Variants in LRP1B observed in about 807,000 individuals in gnomAD.
LRP1B encodes LDL receptor related protein 1B.
A neutral mutation model predicts 556.6 loss-of-function variants in LRP1B; 217 were observed. The observed-to-expected ratio is 0.39, with a 90% CI of 0.35 to 0.44. LRP1B has a LOEUF of 0.44. LRP1B is among the 20% of genes least tolerant of loss of function. The probability of loss-of-function intolerance (pLI) is 1.00; values close to 1 mark genes in which losing one functional copy is unlikely to be tolerated. For synonymous variants in LRP1B, 2,047 were observed against 1,865.8 expected (o/e 1.10, Z -2.50); for missense variants, 5,053 against 5,620.8 (o/e 0.90, Z 3.23).
chr2:140,233,461 T>G (rs1432378668), intron 90 of LRP1B, 135 bp from the exon 91 acceptor site: 1 of 534,170 alleles, frequency 1.9e-6, no homozygotes, highest in African/African-American at 2.0e-5. Flanking sequence ...TAGTAATGAT[T>G]TAAAGGTTAT....
rs565362139 is a variant in LRP1B at position 141,840,257 on chromosome 2, CTTTTTTTTT to C, written c.83-29865_83-29857del. ...AGGTCATCGTATTAGAACAAATTTCCTTTTTTTTTTTTTTTTTTTTTTTTGAGACGGAAT... is the reference window on the plus strand; with the variant it reads ...AGGTCATCGTATTAGAACAAATTTCCTTTTTTTTTTTTTTTGAGACGGAAT... On this transcript the variant is annotated intron_variant, in intron 1 of 90. Transcript: ENST00000389484. Among the ~76,000 whole-genome samples the C allele has an allele frequency of 7.1e-5, 6 of 84,230 alleles. 1 individual carries two copies. The highest frequency in any genetic ancestry group is 2.9e-4 in the African/African-American group (6 of 20,896). 55.3% of individuals were successfully genotyped at this position (84,230 alleles called of 152,430 possible).
chr2:141,809,474 G>A (rs1277045430), intron 2 of LRP1B, among the ~76,000 whole-genome samples: 2 of 152,064 alleles, frequency 1.3e-5, no homozygotes, highest in East Asian at 3.9e-4. Flanking sequence ...AGGTTGATAT[G>A]AGAAATTCTA....
intron 3 of LRP1B, among the ~76,000 whole-genome samples, chr2:141,337,282 C>A (rs140675818): frequency 0.012 from 1,782 of 152,218 alleles, 23 homozygotes; most frequent in Middle Eastern, 0.02. Flanking sequence ...ATTTATATTT[C>A]CATAATAGTT....
intron 1 of LRP1B, among the ~76,000 whole-genome samples, chr2:141,972,035 G>A (rs934148654): frequency 4.0e-5 from 6 of 151,324 alleles, no homozygotes; most frequent in South Asian, 4.1e-4. Flanking sequence ...CAATTCAGCT[G>A]GTAAAAATAT....
At chr2:141,242,930 TGCTTTCA>T (rs995764729) in intron 5 of LRP1B, among the ~76,000 whole-genome samples, 1 of 152,134 alleles carries the variant, frequency 6.6e-6, no homozygotes, top group African/African-American at 2.4e-5. Flanking sequence ...TACATGAGCC[TGCTTTCA>T]GCCCCAAGTT....
chr2:140,884,114 AT>A, intron 24 of LRP1B, 93 bp from the exon 25 acceptor site: 2 of 1,124,128 alleles, frequency 1.8e-6, no homozygotes, highest in Non-Finnish European at 1.3e-6. Flanking sequence ...AGCAGTACAA[AT>A]TATTTCAATG....
chr2:140,785,137 G>A (rs1342081458), intron 32 of LRP1B, among the ~76,000 whole-genome samples: 1 of 152,114 alleles, frequency 6.6e-6, no homozygotes, highest in African/African-American at 2.4e-5. Flanking sequence ...TTATTATTGA[G>A]AAGACAAGAA....
chr2:140,487,536 G>T (rs2105366296), intron 58 of LRP1B, 81 bp downstream of exon 58: 1 of 1,326,756 alleles, frequency 7.5e-7, no homozygotes, highest in Non-Finnish European at 1.1e-6. Flanking sequence ...GTAATATCAT[G>T]GTCATAAAAT....
chr2:140,472,968 G>A (rs12612781), intron 60 of LRP1B, among the ~76,000 whole-genome samples: 1 of 151,862 alleles, frequency 6.6e-6, no homozygotes, highest in Non-Finnish European at 1.5e-5. Context: ...TTAAAAAAGT[G>A]GCTAGTGATG....
At chr2:141,090,269 CA>C (rs72464464) in intron 7 of LRP1B, among the ~76,000 whole-genome samples, 2,683 of 152,092 alleles carry the variant, frequency 0.018, 35 homozygotes, top group South Asian at 0.029. Context: ...AAAATAAAAG[CA>C]AAAAGATTAC....
At chr2:141,199,817 A>G (rs1309263087) in intron 6 of LRP1B, among the ~76,000 whole-genome samples, 1 of 152,114 alleles carries the variant, frequency 6.6e-6, no homozygotes. Context: ...AACAAACATG[A>G]AAAAGAGCTC....
chr2:141,072,285 A>T (rs911631363), intron 7 of LRP1B, among the ~76,000 whole-genome samples: 7 of 152,104 alleles, frequency 4.6e-5, no homozygotes, highest in Non-Finnish European at 7.4e-5. Context: ...TTGAAGAATC[A>T]TCTACAATCT....
At chr2:141,156,275 T>C (rs879268189) in intron 7 of LRP1B, among the ~76,000 whole-genome samples, 4 of 152,058 alleles carry the variant, frequency 2.6e-5, no homozygotes, top group African/African-American at 7.2e-5. Context: ...TTGAAGCACT[T>C]AGTGTGCCGA....
intron 4 of LRP1B, among the ~76,000 whole-genome samples, chr2:141,247,725 A>G (rs1462532858): frequency 6.6e-6 from 1 of 152,182 alleles, no homozygotes; most frequent in Non-Finnish European, 1.5e-5. Flanking sequence ...TCGACTAGTA[A>G]CATGGTTTTC....
intron 68 of LRP1B, among the ~76,000 whole-genome samples, chr2:140,377,605 T>C (rs1683292050): frequency 1.3e-5 from 2 of 152,304 alleles, no homozygotes; most frequent in African/African-American, 4.8e-5. Flanking sequence ...TTGTATGAAG[T>C]ATTATAAATG....
At chr2:141,598,618 A>G (rs1012473790) in intron 2 of LRP1B, among the ~76,000 whole-genome samples, 1 of 152,166 alleles carries the variant, frequency 6.6e-6, no homozygotes, top group Non-Finnish European at 1.5e-5. Context: ...TATGCTTTCA[A>G]AATAATCTCA....
At chr2:141,936,889 A>G (rs1298387525) in intron 1 of LRP1B, among the ~76,000 whole-genome samples, 2 of 151,322 alleles carry the variant, frequency 1.3e-5, no homozygotes, top group African/African-American at 4.9e-5. Context: ...GATTTTTAAT[A>G]AAGCAAACAC....
chr2:141,069,486 T>A (rs565392639), intron 7 of LRP1B, among the ~76,000 whole-genome samples: 1 of 152,210 alleles, frequency 6.6e-6, no homozygotes, highest in African/African-American at 2.4e-5. Context: ...TTGTCTGAGG[T>A]GGAGTCTAGG....
chr2:140,829,674 A>G (rs180914710), intron 31 of LRP1B, among the ~76,000 whole-genome samples: 125 of 152,232 alleles, frequency 8.2e-4, no homozygotes, highest in African/African-American at 2.8e-3. Context: ...CAAAAAGTTA[A>G]AAGATTTTAA....
Sources: allele counts gnomAD v4.1 joint callset (sites outside exome capture counted in the v4.1 genomes callset), GRCh38; gene constraint gnomAD v4.1.1; transcripts MANE v1.5; gene names NCBI Gene and HGNC (gene_info 2026-07-23, HGNC 2026-07-21).